Variants in RIDA observed in about 807,000 individuals in gnomAD.
RIDA encodes the protein reactive intermediate imine deaminase A, also known as 2-iminobutanoate/2-iminopropanoate deaminase.
In RIDA, 17 loss-of-function variants were observed where a neutral mutation model predicts 17.8. The ratio of observed to expected loss-of-function variants is 0.96; its 90% CI spans 0.65 to 1.43. RIDA has a LOEUF of 1.43. RIDA is among the 40% of genes most tolerant of loss of function. The pLI is 0.00. For synonymous variants in RIDA, 48 were observed against 55.7 expected (o/e 0.86, Z 0.62); for missense variants, 158 against 161.7 (o/e 0.98, Z 0.12).
intron 1 of RIDA, among the ~76,000 whole-genome samples, chr8:98,111,043 T>C (rs1815719941): frequency 6.6e-6 from 1 of 152,212 alleles, no homozygotes; most frequent in Non-Finnish European, 1.5e-5. Flanking sequence ...TTATAAATAC[T>C]CGGGTTGTAT....
intron 3 of RIDA, 116 bp from the exon 4 acceptor site, chr8:98,106,122 A>G: frequency 9.4e-6 from 10 of 1,059,256 alleles, no homozygotes; most frequent in Admixed American, 1.9e-5. Context: ...CTGAAATGGG[A>G]CCAAAGAAGT....
chr8:98,104,025 T>A (rs1482908965), intron 5 of RIDA, among the ~76,000 whole-genome samples: 1 of 151,976 alleles, frequency 6.6e-6, no homozygotes, highest in African/African-American at 2.4e-5. Context: ...ATGCATGTAA[T>A]ATGGGATATT....
chr8:98,108,344 C>T (rs1333569652), intron 2 of RIDA, among the ~76,000 whole-genome samples: 1 of 150,482 alleles, frequency 6.6e-6, no homozygotes, highest in Non-Finnish European at 1.5e-5. Flanking sequence ...GGTCAGTGGC[C>T]CTGAGAAGAA....
intron 4 of RIDA, 66 bp from the exon 5 acceptor site, chr8:98,104,610 TTTTTA>T: frequency 1.1e-6 from 1 of 951,070 alleles, no homozygotes; most frequent in Non-Finnish European, 1.6e-6. Context: ...CAAGTGAAAA[TTTTTA>T]TTTTAGTTTT....
At chr8:98,109,291 A>G (rs908249503) in intron 1 of RIDA, among the ~76,000 whole-genome samples, 1 of 152,230 alleles carries the variant, frequency 6.6e-6, no homozygotes, top group Non-Finnish European at 1.5e-5. Context: ...ACCTATATCC[A>G]GAATATAAGA....
intron 5 of RIDA, among the ~76,000 whole-genome samples, chr8:98,104,236 C>T (rs1431748899): frequency 6.6e-6 from 1 of 151,962 alleles, no homozygotes; most frequent in Non-Finnish European, 1.5e-5. Context: ...TGTGCACCAC[C>T]ACCATGCATG....
chr8:98,113,920 C>T (rs1008541651), intron 1 of RIDA: 8 of 152,136 alleles, frequency 5.3e-5, no homozygotes, highest in African/African-American at 1.9e-4. Flanking sequence ...CTTTCTTTAC[C>T]TCCAAATTTC....
chr8:98,116,996 C>T (rs776814014), intron 1 of RIDA, 36 bp downstream of exon 1: 5 of 1,579,784 alleles, frequency 3.2e-6, no homozygotes, highest in South Asian at 2.2e-5. Flanking sequence ...AACCCGCACG[C>T]CCTGGGTCCG....
Position 98,108,869 on chromosome 8 carries a change from T to C in RIDA, c.66-118A>G, listed in dbSNP as rs563571843. 1.4e-3 allele frequency: 866 copies of C among 614,272 alleles called. 20 individuals are homozygous for C. In the South Asian group the frequency reaches 0.016, roughly 12 times the overall value. The allele number at this position is 614,272 out of a possible 1,614,324, so 38.1% of individuals were successfully genotyped here. On this transcript the variant is annotated intron_variant, in intron 1 of 5. Transcript: ENST00000254878. ...TTGTAAAAAAAAAAAAACAGATACA[T>C]TGGACTTCATGAAAATTGAAAACTT...
Position 98,111,619 on chromosome 8 carries a change from AAG to A in RIDA, c.66-2870_66-2869del, listed in dbSNP as rs1491213585. Among the ~76,000 whole-genome samples, 30 of 152,004 alleles carry A rather than the reference AAG, an allele frequency of 2.0e-4. 1 individual carries two copies. Among genetic ancestry groups the A allele is most frequent in the African/African-American group, 7.0e-4 (29 of 41,482 alleles). Reference sequence around the variant, plus strand: ...AGACTCTGTGTCAAAAAAAAAAAAAAAGAAGTGAAATTTGTTTTAAAATTTCT... The same window carrying A: ...AGACTCTGTGTCAAAAAAAAAAAAAAAAGTGAAATTTGTTTTAAAATTTCT... On this transcript the variant is annotated intron_variant, in intron 1 of 5. Coordinates refer to ENST00000254878, the MANE Select transcript of RIDA (RefSeq NM_005836.3).
At chr8:98,105,632 A>G (rs1236731884) in intron 4 of RIDA, among the ~76,000 whole-genome samples, 2 of 152,236 alleles carry the variant, frequency 1.3e-5, no homozygotes, top group Admixed American at 6.5e-5. Context: ...AGTAAATAAA[A>G]TCTATGCATA....
At chr8:98,107,794 G>C in intron 2 of RIDA, among the ~76,000 whole-genome samples, 1 of 150,858 alleles carries the variant, frequency 6.6e-6, no homozygotes, top group Non-Finnish European at 1.5e-5. Context: ...TTTGAGACAG[G>C]GTTCTTGCTC....
intron 3 of RIDA, 69 bp from the exon 4 acceptor site, chr8:98,106,075 A>C (rs1815629102): frequency 8.2e-7 from 1 of 1,221,866 alleles, no homozygotes; most frequent in African/African-American, 1.5e-5. Context: ...TTAGAAAAAG[A>C]GTGTATGAAT....
intron 1 of RIDA, among the ~76,000 whole-genome samples, chr8:98,116,185 C>CA (rs1290144570): frequency 2.6e-5 from 4 of 152,240 alleles, no homozygotes; most frequent in Non-Finnish European, 4.4e-5. Context: ...GACTACCTCT[C>CA]ACAAGGAACC....
At chr8:98,104,082 C>CTTTTTT (rs539041035) in intron 5 of RIDA, among the ~76,000 whole-genome samples, 1 of 127,984 alleles carries the variant, frequency 7.8e-6, no homozygotes. Flanking sequence ...TATTTCTTTT[C>CTTTTTT]TTTTTTTTTT....
chr8:98,116,035 C>T (rs979342600), intron 1 of RIDA, among the ~76,000 whole-genome samples: 1 of 152,224 alleles, frequency 6.6e-6, no homozygotes. Flanking sequence ...CATGCCCTCA[C>T]TCAAGCCATT....
At chr8:98,116,902 G>A in intron 1 of RIDA, 130 bp downstream of exon 1, 1 of 723,916 alleles carries the variant, frequency 1.4e-6, no homozygotes, top group Non-Finnish European at 2.4e-6. Context: ...TGGGTCTTCG[G>A]GCGCGTTGCT....
chr8:98,115,168 G>A (rs1180810336), intron 1 of RIDA, among the ~76,000 whole-genome samples: 12 of 151,992 alleles, frequency 7.9e-5, no homozygotes, highest in African/African-American at 2.4e-4. Flanking sequence ...TAGGTGGATC[G>A]CTTTAGGTCA....
intron 1 of RIDA, among the ~76,000 whole-genome samples, chr8:98,114,303 C>T (rs900181705): frequency 6.6e-6 from 1 of 150,940 alleles, no homozygotes; most frequent in African/African-American, 2.4e-5. Flanking sequence ...TTGGAAACCA[C>T]CACAACCTGT....
Sources: allele counts gnomAD v4.1 joint callset (sites outside exome capture counted in the v4.1 genomes callset), GRCh38; gene constraint gnomAD v4.1.1; transcripts MANE v1.5; gene names NCBI Gene and HGNC (gene_info 2026-07-23, HGNC 2026-07-21).